Variants in CAMTA1 observed in about 807,000 individuals in gnomAD.
CAMTA1 encodes the protein calmodulin binding transcription activator 1.
Under a neutral mutation model 170.9 loss-of-function variants are expected in CAMTA1, and 27 were observed. The ratio of observed to expected loss-of-function variants is 0.16; its 90% CI spans 0.12 to 0.22. The LOEUF (loss-of-function observed/expected upper bound fraction) is 0.22. Among genes scored for constraint, CAMTA1 ranks in the 10% least tolerant of loss-of-function variants. The probability of loss-of-function intolerance (pLI) is 1.00; values close to 1 mark genes in which losing one functional copy is unlikely to be tolerated. For synonymous variants in CAMTA1, 833 were observed against 891.5 expected (o/e 0.93, Z 1.17); for missense variants, 1,619 against 2,217.2 (o/e 0.73, Z 5.42).
chr1:7,085,541 A>T, intron 3 of CAMTA1, among the ~76,000 whole-genome samples: 1 of 152,274 alleles, frequency 6.6e-6, no homozygotes, highest in East Asian at 1.9e-4. Flanking sequence ...TGAGCAGTGC[A>T]GCCATTGCTG....
rs534097014 is a variant in CAMTA1 at position 7,299,658 on chromosome 1, C to T, written c.438+50032C>T. On this transcript the variant is annotated intron_variant, in intron 5 of 22. Coordinates refer to ENST00000303635, the MANE Select transcript of CAMTA1 (RefSeq NM_015215.4). The surrounding 1 kb of genome is among the most constrained non-coding windows in gnomAD (Gnocchi z 4.7). ...CCTGGCCACATTCAGGCAGCAATGCCCCAACCCCACACAGAGACACACGCC... is the reference window on the plus strand; with the variant it reads ...CCTGGCCACATTCAGGCAGCAATGCTCCAACCCCACACAGAGACACACGCC... Among the ~76,000 whole-genome samples the T allele has an allele frequency of 6.6e-6, 1 of 152,316 alleles. No individual in the cohort carries two copies. Among genetic ancestry groups the T allele is most frequent in the East Asian group, 1.9e-4 (1 of 5,172 alleles).
Position 6,887,617 on chromosome 1 carries a change from CG to C in CAMTA1, c.234+62408del. On this transcript the variant is annotated intron_variant, in intron 3 of 22. Coordinates refer to ENST00000303635, the MANE Select transcript of CAMTA1 (RefSeq NM_015215.4). This position sits in a 1 kb window ranked among gnomAD's most constrained non-coding sequence, Gnocchi z 4.1. ...CTTCAGTTAAAAACAGAAATAGAAG[CG>C]ACGGTTTTGACCCATTTTACACCTA... The C allele has an allele frequency of 6.5e-7, 1 of 1,530,894 alleles. No individual in the cohort carries two copies. Among genetic ancestry groups the C allele is most frequent in the South Asian group, 1.2e-5 (1 of 83,090 alleles). The allele number at this position is 1,530,894 out of a possible 1,614,324, so 94.8% of individuals were successfully genotyped here. A position where few individuals can be genotyped will look rare whatever the true frequency, so the allele number is the denominator to read the frequency against.
At chr1:7,226,579 AG>A (rs1661729890) in intron 4 of CAMTA1, among the ~76,000 whole-genome samples, 1 of 152,218 alleles carries the variant, frequency 6.6e-6, no homozygotes, top group Non-Finnish European at 1.5e-5. Context: ...AGAGATAGCC[AG>A]GGTCAAGGTT....
rs893617689 is a variant in CAMTA1, at chr1:7,050,847, C to T, written c.235-40457C>T. On this transcript the variant is annotated intron_variant, in intron 3 of 22. Transcript: ENST00000303635. The surrounding 1 kb of genome is among the most constrained non-coding windows in gnomAD (Gnocchi z 4.8). ...GGGAAGGAGAAATGGGAACATCACA[C>T]TGGGGTATTTATGGGAGCCGTGCAC... Among the ~76,000 whole-genome samples the T allele has an allele frequency of 2.6e-5, 4 of 152,124 alleles. No individual in the cohort carries two copies. Among genetic ancestry groups the T allele is most frequent in the African/African-American group, 9.7e-5 (4 of 41,414 alleles).
At chr1:6,961,610 TG>T (rs1572053480) in intron 3 of CAMTA1, among the ~76,000 whole-genome samples, 1 of 35,300 alleles carries the variant, frequency 2.8e-5, no homozygotes, top group Non-Finnish European at 5.4e-5. Context: ...TTCTGGAGTT[TG>T]GGGCGGGTGG....
chr1:6,954,779 G>C (rs1009925098), intron 3 of CAMTA1, among the ~76,000 whole-genome samples: 3 of 152,136 alleles, frequency 2.0e-5, no homozygotes, highest in Non-Finnish European at 2.9e-5. Context: ...CACGCAGGCA[G>C]GCACTTGTTT....
In CAMTA1 at chr1:7,113,996, C is replaced by G. The variant is rs1387242062; in HGVS notation, c.302+22625C>G. Among the ~76,000 whole-genome samples, 2 of 152,206 alleles carry G rather than the reference C, an allele frequency of 1.3e-5. No individual in the cohort carries two copies. Among genetic ancestry groups the G allele is most frequent in the African/African-American group, 4.8e-5 (2 of 41,448 alleles). On this transcript the variant is annotated intron_variant, in intron 4 of 22. Transcript: ENST00000303635. This position sits in a 1 kb window ranked among gnomAD's most constrained non-coding sequence, Gnocchi z 4.5. ...AGGGCTGGCCTTCCCTCTTCACAGC[C>G]CCTCCCACCACTGCTGTAACCCACG...
At chr1:7,428,870 C>T (rs1047487762) in intron 5 of CAMTA1, among the ~76,000 whole-genome samples, 1 of 152,182 alleles carries the variant, frequency 6.6e-6, no homozygotes, top group Non-Finnish European at 1.5e-5. Context: ...TGCCTGGCAC[C>T]ACTGTAAGGG....
rs142475660 is a variant in CAMTA1, at chr1:7,730,814, G to A, written c.2915-1634G>A. ...CTTGGGTGGCTGAGCCAAGATAATC[G>A]CTTAAACTCAGGAGGCGGAGGTTGC... is the stretch of plus-strand genomic sequence containing the variant. On this transcript the variant is annotated intron_variant, in intron 11 of 22. Transcript: ENST00000303635. 5.6e-3 allele frequency among the ~76,000 whole-genome samples: 851 copies of A among 152,064 alleles called. 13 individuals are homozygous for A. Among genetic ancestry groups the A allele is most frequent in the African/African-American group, 0.019 (805 of 41,480 alleles).
intron 10 of CAMTA1, among the ~76,000 whole-genome samples, chr1:7,676,953 C>T (rs538871158): frequency 2.6e-5 from 4 of 152,148 alleles, no homozygotes; most frequent in East Asian, 1.9e-4. Context: ...CAGCAGTTAA[C>T]GAGACCTGCC....
chr1:7,366,106 T>G (rs1291785863), intron 5 of CAMTA1, among the ~76,000 whole-genome samples: 1 of 152,196 alleles, frequency 6.6e-6, no homozygotes, highest in African/African-American at 2.4e-5. Flanking sequence ...GGGACTGGCA[T>G]GGGGCACTCA....
intron 5 of CAMTA1, among the ~76,000 whole-genome samples, chr1:7,446,584 C>T (rs12075095): frequency 0.047 from 7,160 of 152,266 alleles, 554 homozygotes; most frequent in African/African-American, 0.16. Context: ...AAAGGTGATA[C>T]GGCAAACGGA....
chr1:7,148,719 G>A lies in CAMTA1; in HGVS notation c.302+57348G>A, dbSNP rs551967621. Among the ~76,000 whole-genome samples, 3 of 152,344 alleles carry A rather than the reference G, an allele frequency of 2.0e-5. No homozygotes were observed. In the South Asian group the frequency reaches 6.2e-4, roughly 32 times the overall value. On this transcript the variant is annotated intron_variant, in intron 4 of 22. Coordinates refer to ENST00000303635, the MANE Select transcript of CAMTA1 (RefSeq NM_015215.4). ...CCCTCCCCCATCAGGGGACCACTGG[G>A]GCACTAAGTGTGGTGGCAGAGGGCA...
chr1:6,966,956 T>G lies in CAMTA1; in HGVS notation c.235-124348T>G, dbSNP rs530092665. Among the ~76,000 whole-genome samples the G allele has an allele frequency of 1.9e-4, 28 of 151,130 alleles. No homozygotes were observed. The South Asian group carries it at 5.3e-3, about 29-fold the overall frequency. ...AAGATACTCATGAAAAAATTCATGGTTGAGACTGGGCACGGTGGCTCACGC... is the reference window on the plus strand; with the variant it reads ...AAGATACTCATGAAAAAATTCATGGGTGAGACTGGGCACGGTGGCTCACGC... On this transcript the variant is annotated intron_variant, in intron 3 of 22. Transcript: ENST00000303635.
chr1:7,738,152 C>T lies in CAMTA1; in HGVS notation c.3852C>T (p.Pro1284=), dbSNP rs750052134. 93 of 1,613,914 alleles carry T rather than the reference C, an allele frequency of 5.8e-5. No individual in the cohort carries two copies. Among genetic ancestry groups the T allele is most frequent in the Middle Eastern group, 1.6e-4 (1 of 6,084 alleles). Residue 1284 remains proline, a synonymous_variant, in exon 16 of 23, where the codon CCC becomes CCT. Coordinates refer to ENST00000303635, the MANE Select transcript of CAMTA1 (RefSeq NM_015215.4). The surrounding 1 kb of genome is among the most constrained non-coding windows in gnomAD (Gnocchi z 4.9). The stretch of plus-strand genomic sequence containing the variant: ...GCCCTAGTTCTAAGCAGTCTGTCCC[C>T]GAGACACTCAGCCCCAGTGAAGGAG... ...KQSPSSKQSV[P]ETLSPSEGVR...
intron 11 of CAMTA1, among the ~76,000 whole-genome samples, chr1:7,729,245 T>C (rs980309140): frequency 4.6e-5 from 7 of 151,790 alleles, no homozygotes; most frequent in African/African-American, 1.7e-4. Flanking sequence ...GCCTCCTGAG[T>C]AGCTGGGACT....
intron 22 of CAMTA1, among the ~76,000 whole-genome samples, chr1:7,763,168 T>C (rs188608027): frequency 1.3e-5 from 2 of 152,304 alleles, no homozygotes; most frequent in Non-Finnish European, 2.9e-5. Flanking sequence ...CTAATGGCAG[T>C]GTTGTGAGGA....
At chr1:7,054,421 C>T (rs1014355964) in intron 3 of CAMTA1, among the ~76,000 whole-genome samples, 5 of 152,356 alleles carry the variant, frequency 3.3e-5, no homozygotes, top group African/African-American at 9.6e-5. Context: ...TGCACATCTT[C>T]GCCTTTTTTT....
At chr1:7,728,775 T>C (rs2096710193) in intron 11 of CAMTA1, among the ~76,000 whole-genome samples, 1 of 152,232 alleles carries the variant, frequency 6.6e-6, no homozygotes, top group Non-Finnish European at 1.5e-5. Flanking sequence ...AAGAGACCTG[T>C]GATCTGCAAG....
Sources: allele counts gnomAD v4.1 joint callset (sites outside exome capture counted in the v4.1 genomes callset), GRCh38; gene constraint gnomAD v4.1.1; non-coding constraint Gnocchi (gnomAD v3.1); transcripts MANE v1.5; gene names NCBI Gene and HGNC (gene_info 2026-07-23, HGNC 2026-07-21).